The following SNRNP27 variants were observed in gnomAD, a reference collection of about 807,000 sequenced individuals.
The protein encoded by SNRNP27 is U4/U6.U5 small nuclear ribonucleoprotein 27 kDa protein.
Under a neutral mutation model 25.1 loss-of-function variants are expected in SNRNP27, and 22 were observed. That is an observed-to-expected ratio of 0.88 (90% confidence interval 0.63 to 1.25). The LOEUF is 1.25. SNRNP27 is among the 50% of genes most tolerant of loss of function. SNRNP27 has a pLI of 0.00. For synonymous variants in SNRNP27, 66 were observed against 64.9 expected, an observed-to-expected ratio of 1.02 and a Z score of -0.08; for missense variants, 150 against 202.3, an observed-to-expected ratio of 0.74 and a Z score of 1.57.
In SNRNP27 at chr2:69,895,872, T is replaced by C. The variant is rs1289453265; in HGVS notation, c.156-564T>C. Among the ~76,000 whole-genome samples the C allele has an allele frequency of 2.0e-5, 3 of 152,230 alleles. No homozygotes were observed. The East Asian group carries it at 5.8e-4, about 29-fold the overall frequency. On this transcript the variant is annotated intron_variant, in intron 2 of 5. Transcript: ENST00000244227. ...ACTGCACCCGGCCTGTTGTTTCTTT[T>C]TTATTAACTTTTTGGTGATAATGAT...
intron 3 of SNRNP27, among the ~76,000 whole-genome samples, chr2:69,896,970 A>G (rs1211691017): frequency 6.6e-6 from 1 of 152,102 alleles, no homozygotes; most frequent in Non-Finnish European, 1.5e-5. Flanking sequence ...CACCGTGCCC[A>G]GCCTGAGATT....
intron 3 of SNRNP27, among the ~76,000 whole-genome samples, chr2:69,896,796 CCAGAGTAGTTGGGATTA>C (rs1467862979): frequency 3.3e-5 from 5 of 151,530 alleles, no homozygotes; most frequent in African/African-American, 4.9e-5. Flanking sequence ...CCTCAGCGTC[CCAGAGTAGTTGGGATTA>C]CAGGCACCCG....
At chr2:69,903,074 T>C in intron 4 of SNRNP27, 107 bp from the exon 5 acceptor site, 1 of 863,524 alleles carries the variant, frequency 1.2e-6, no homozygotes, top group Admixed American at 1.8e-5. Flanking sequence ...TTCCGCCAAG[T>C]AGCTGGGAGT....
chr2:69,895,472 AAAAG>A (rs1175549027), intron 2 of SNRNP27, among the ~76,000 whole-genome samples: 3 of 152,254 alleles, frequency 2.0e-5, no homozygotes, highest in African/African-American at 7.2e-5. Flanking sequence ...CTTGGCAAGA[AAAAG>A]AAATAAGTAT....
Position 69,903,199 on chromosome 2 carries a change from T to C in SNRNP27, c.367T>C (p.Ser123Pro). 1.2e-6 allele frequency: 2 copies of C among 1,613,168 alleles called. No individual in the cohort carries two copies. The highest frequency in any genetic ancestry group is 2.2e-5 in the South Asian group (2 of 91,048). ...DSTKGKKVDGSVNAYAINVSQ... is the reference protein window; with the variant it reads ...DSTKGKKVDGPVNAYAINVSQ... ...TCTTCAGGGTAAGAAGGTGGATGGC[T>C]CTGTAAATGCCTATGCCATAAATGT... Residue 123 changes from serine to proline, a missense_variant, in exon 5 of 6, where the codon TCT becomes CCT. This residue lies in a region of SNRNP27 where 142 missense variants were observed against 168.6 expected (regional missense o/e 0.84). Coordinates refer to ENST00000244227, the MANE Select transcript of SNRNP27 (RefSeq NM_006857.3).
chr2:69,904,475 C>T lies in SNRNP27; in HGVS notation c.*167C>T. 1 of 668,142 alleles carries T rather than the reference C, an allele frequency of 1.5e-6. No individual in the cohort carries two copies. The highest frequency in any genetic ancestry group is 2.7e-6 in the Non-Finnish European group (1 of 374,888). The allele number at this position is 668,142 out of a possible 1,614,324, so 41.4% of individuals were successfully genotyped here. ...ATGCAGTTAACTTACCTTGCCTCAA[C>T]AGAAGAAAGGTTAAATATTACATTT... On this transcript the variant is annotated 3_prime_UTR_variant, in exon 6 of 6. Transcript: ENST00000244227.
intron 4 of SNRNP27, among the ~76,000 whole-genome samples, chr2:69,898,327 GAGAGATGAGGGA>G (rs1676636349): frequency 2.0e-5 from 1 of 50,894 alleles, no homozygotes; most frequent in South Asian, 5.9e-4. Context: ...CATAATAGCA[GAGAGATGAGGGA>G]AGAGGAAAAA....
rs546438538 is a variant in SNRNP27 at position 69,895,164 on chromosome 2, G to C, written c.105G>C (p.Glu35Asp). The C allele has an allele frequency of 6.2e-7, 1 of 1,614,134 alleles. No homozygotes were observed. The highest frequency in any genetic ancestry group is 1.7e-5 in the Admixed American group (1 of 60,022). ...GCCGAGAAAGGTCCAGGTCTCGGGAGAGAGATCGGAGAAGGAGCCGCTCGC... is the reference window on the plus strand; with the variant it reads ...GCCGAGAAAGGTCCAGGTCTCGGGACAGAGATCGGAGAAGGAGCCGCTCGC... ...RRRRERSRSR[E>D]RDRRRSRSRS... is the part of the protein sequence containing the mutation. The change falls in exon 2 of 6, where the codon GAG becomes GAC. Residue 35 changes from glutamate (E) to aspartate (D), a missense_variant. Physicochemically the swap from Glu to Asp is conservative, Grantham distance 45. Transcript: ENST00000244227.
At position 69,897,443 on chromosome 2, in the gene SNRNP27, T is replaced by C. The variant is rs1676624798; in HGVS notation, c.335T>C (p.Phe112Ser). 2.5e-6 allele frequency: 4 copies of C among 1,612,530 alleles called. No individual in the cohort carries two copies. In the African/African-American group the frequency reaches 5.3e-5, roughly 22 times the overall value. ...ATGAAGTTAATGGGATTTGCCTCCT[T>C]TGACTCCACAAAAGTAAGTAAAACG... ...EMMKLMGFAS[F>S]DSTKGKKVDG... The change falls in exon 4 of 6, where the codon TTT (phenylalanine) becomes TCT (serine). Residue 112 changes from phenylalanine (F) to serine (S), a missense_variant. Physicochemically the swap from Phe to Ser is radical, Grantham distance 155. Around this residue, in one of 2 missense-constraint regions of SNRNP27, gnomAD observed 142 missense variants for 168.6 expected, o/e 0.84. Transcript: ENST00000244227.
At chr2:69,897,500 G>A (rs773619855) in intron 4 of SNRNP27, 44 bp downstream of exon 4, 3 of 1,342,860 alleles carry the variant, frequency 2.2e-6, no homozygotes, top group Non-Finnish European at 3.2e-6. Flanking sequence ...AATATGTTAT[G>A]ACTGTCCTAT....
At chr2:69,900,577 GC>G (rs1676676025) in intron 4 of SNRNP27, among the ~76,000 whole-genome samples, 1 of 152,206 alleles carries the variant, frequency 6.6e-6, no homozygotes, top group South Asian at 2.1e-4. Flanking sequence ...GTCTGTGTAT[GC>G]CTTTTGGCCA....
At position 69,896,551 on chromosome 2, in the gene SNRNP27, A is replaced by C; in HGVS notation, c.268+3A>C. 6.3e-7 allele frequency: 1 copy of C among 1,594,546 alleles called. No individual in the cohort carries two copies. Among genetic ancestry groups the C allele is most frequent in the South Asian group, 1.1e-5 (1 of 90,282 alleles). ...GAGCAAAGAACGGCAGATTACTGGT[A>C]ATGTTATTAGATAAATAACTGTAGG... On this transcript the variant is annotated splice_donor_region_variant and intron_variant, in intron 3 of 5. Transcript: ENST00000244227.
intron 4 of SNRNP27, among the ~76,000 whole-genome samples, chr2:69,901,898 C>T (rs1676705864): frequency 6.6e-6 from 1 of 152,142 alleles, no homozygotes; most frequent in Non-Finnish European, 1.5e-5. Context: ...GGCAACCATT[C>T]CAGCCATGAT....
At chr2:69,899,895 G>A (rs1384406688) in intron 4 of SNRNP27, among the ~76,000 whole-genome samples, 6 of 152,046 alleles carry the variant, frequency 3.9e-5, no homozygotes, top group Non-Finnish European at 8.8e-5. Context: ...CCAGGATAAT[G>A]TTTTTATTTT....
chr2:69,900,337 A>G (rs1676673022), intron 4 of SNRNP27, among the ~76,000 whole-genome samples: 1 of 152,178 alleles, frequency 6.6e-6, no homozygotes, highest in Admixed American at 6.5e-5. Context: ...GAAATCAGTA[A>G]ACCTTTAGGA....
intron 3 of SNRNP27, 142 bp downstream of exon 3, chr2:69,896,690 G>A (rs76024672): frequency 1.6e-6 from 1 of 625,658 alleles, no homozygotes; most frequent in Admixed American, 3.8e-5. Flanking sequence ...TTTTTTTTTT[G>A]AGATAGAGTT....
chr2:69,898,811 C>T (rs1338214968), intron 4 of SNRNP27, among the ~76,000 whole-genome samples: 1 of 152,084 alleles, frequency 6.6e-6, no homozygotes, highest in Non-Finnish European at 1.5e-5. Context: ...TATTTATCAG[C>T]TTTTTTCCCT....
chr2:69,896,390 G>A, intron 2 of SNRNP27, 46 bp from the exon 3 acceptor site: 1 of 1,579,204 alleles, frequency 6.3e-7, no homozygotes. Flanking sequence ...TTGATACAAA[G>A]TTGATATGTC....
intron 4 of SNRNP27, among the ~76,000 whole-genome samples, chr2:69,899,428 T>C (rs1456426546): frequency 5.3e-5 from 8 of 152,180 alleles, no homozygotes; most frequent in Admixed American, 5.2e-4. Context: ...TATTATTTTT[T>C]ATTTTAATTT....
Sources: gnomAD v4.1 joint callset for allele counts (sites outside exome capture counted in the v4.1 genomes callset) on GRCh38, gnomAD v4.1.1 for gene constraint, gnomAD v4.1.1 regional missense constraint, MANE v1.5 for transcripts, NCBI Gene and HGNC (gene_info 2026-07-23, HGNC 2026-07-21) for gene names.